NOS1AP: variants seen among roughly 807,000 people sequenced by gnomAD.
NOS1AP encodes carboxyl-terminal PDZ ligand of neuronal nitric oxide synthase protein.
A neutral mutation model predicts 56.2 loss-of-function variants in NOS1AP; 21 were observed. The ratio of observed to expected loss-of-function variants is 0.37; its 90% confidence interval spans 0.26 to 0.54. NOS1AP has a LOEUF of 0.54. Among genes scored for constraint, NOS1AP ranks in the 20% least tolerant of loss-of-function variants. The pLI is 0.84. For synonymous variants in NOS1AP, 270 were observed against 274.6 expected (o/e 0.98, Z 0.17); for missense variants, 522 against 657.8 (o/e 0.79, Z 2.26).
chr1:162,293,516 A>G (rs1467071516), intron 3 of NOS1AP, among the ~76,000 whole-genome samples: 1 of 152,240 alleles, frequency 6.6e-6, no homozygotes, highest in East Asian at 1.9e-4. Context: ...CAGTTCCCAT[A>G]TAACATTCCT....
At chr1:162,086,638 G>T (rs996566770) in intron 1 of NOS1AP, among the ~76,000 whole-genome samples, 5 of 152,158 alleles carry the variant, frequency 3.3e-5, no homozygotes, top group African/African-American at 1.2e-4. Flanking sequence ...GGGTGCCTTG[G>T]CCAGGAGTGG....
At chr1:162,175,861 C>G (rs1370942688) in intron 2 of NOS1AP, among the ~76,000 whole-genome samples, 1 of 152,180 alleles carries the variant, frequency 6.6e-6, no homozygotes, top group African/African-American at 2.4e-5. Context: ...CCCCCGCAAG[C>G]AGTTAGAAAC....
chr1:162,223,000 G>T (rs1217784455), intron 2 of NOS1AP, among the ~76,000 whole-genome samples: 2 of 152,184 alleles, frequency 1.3e-5, no homozygotes, highest in African/African-American at 4.8e-5. Context: ...CCCACCTGTT[G>T]TCACTTCAGC....
At chr1:162,193,994 C>T (rs570458403) in intron 2 of NOS1AP, among the ~76,000 whole-genome samples, 1 of 152,258 alleles carries the variant, frequency 6.6e-6, no homozygotes, top group East Asian at 1.9e-4. Context: ...CTGAGGCCTC[C>T]CGTCTCACAG....
chr1:162,347,425 G>A (rs1657338894), intron 6 of NOS1AP, among the ~76,000 whole-genome samples: 1 of 152,210 alleles, frequency 6.6e-6, no homozygotes, highest in African/African-American at 2.4e-5. Flanking sequence ...GATGCCCAGA[G>A]GTTGAATGTT....
chr1:162,150,969 G>A (rs142543128), intron 1 of NOS1AP, among the ~76,000 whole-genome samples: 1,554 of 152,180 alleles, frequency 0.01, 16 homozygotes, highest in Middle Eastern at 0.041. Flanking sequence ...AACTTGATGT[G>A]ATCCCATTTG....
chr1:162,260,996 G>A (rs12752599), intron 2 of NOS1AP, among the ~76,000 whole-genome samples: 126,089 of 138,080 alleles, frequency 0.91, 59,339 homozygotes, highest in East Asian at 0.99. Flanking sequence ...ATTAGAATTT[G>A]TTATATTCCC....
intron 2 of NOS1AP, among the ~76,000 whole-genome samples, chr1:162,222,751 G>C (rs78239918): frequency 2.6e-5 from 4 of 152,262 alleles, no homozygotes; most frequent in African/African-American, 7.2e-5. Flanking sequence ...TGTTGGCCAT[G>C]ATGAGAGCAT....
At chr1:162,232,534 G>T (rs1653154660) in intron 2 of NOS1AP, among the ~76,000 whole-genome samples, 1 of 65,980 alleles carries the variant, frequency 1.5e-5, no homozygotes, top group South Asian at 3.6e-4. Flanking sequence ...TGTGCTTAGA[G>T]TGTGTGTGTG....
At chr1:162,282,599 C>T (rs942803575) in intron 2 of NOS1AP, among the ~76,000 whole-genome samples, 26 of 152,152 alleles carry the variant, frequency 1.7e-4, no homozygotes, top group African/African-American at 6.3e-4. Context: ...TCTGAAAACC[C>T]TTTGTGAGAC....
chr1:162,170,829 C>T, intron 2 of NOS1AP, among the ~76,000 whole-genome samples: 1 of 151,960 alleles, frequency 6.6e-6, no homozygotes, highest in Non-Finnish European at 1.5e-5. Context: ...TAGTCCCACA[C>T]TCAAGAGGCT....
At chr1:162,103,285 A>G (rs141075407) in intron 1 of NOS1AP, among the ~76,000 whole-genome samples, 7 of 151,898 alleles carry the variant, frequency 4.6e-5, no homozygotes, top group African/African-American at 1.7e-4. Context: ...TGATTGCGCT[A>G]TGGTATGAGA....
chr1:162,183,978 G>A (rs1047807481), intron 2 of NOS1AP, among the ~76,000 whole-genome samples: 1 of 152,202 alleles, frequency 6.6e-6, no homozygotes, highest in East Asian at 1.9e-4. Context: ...AGGAGGCCTA[G>A]CTTTCGGCCT....
chr1:162,216,925 A>G (rs1454249358), intron 2 of NOS1AP, among the ~76,000 whole-genome samples: 2 of 152,186 alleles, frequency 1.3e-5, no homozygotes, highest in Non-Finnish European at 2.9e-5. Context: ...GAGTTAACAC[A>G]TATAGCAAAT....
At chr1:162,074,136 A>G (rs1405848845) in intron 1 of NOS1AP, among the ~76,000 whole-genome samples, 1 of 152,252 alleles carries the variant, frequency 6.6e-6, no homozygotes, top group Non-Finnish European at 1.5e-5. Flanking sequence ...GCACAGGCAC[A>G]TTAGTGTTAT....
rs1658018588 is a variant in NOS1AP, at chr1:162,364,924, C to G, written c.940-480C>G. 4.9e-6 allele frequency: 5 copies of G among 1,017,072 alleles called. No individual in the cohort carries two copies. The South Asian group carries it at 1.6e-4, about 33-fold the overall frequency. 63.0% of individuals were successfully genotyped at this position (1,017,072 alleles called of 1,614,324 possible). A position where few individuals can be genotyped will look rare whatever the true frequency, so the allele number is the denominator to read the frequency against. On this transcript the variant is annotated intron_variant, in intron 8 of 9. Transcript: ENST00000361897. ...GGCTTCGTTGTGACACTGTTCTTAG[C>G]CAGTGGGTCAATAGATGAGTTTTGG...
At chr1:162,283,791 G>C (rs377002258) in intron 2 of NOS1AP, among the ~76,000 whole-genome samples, 1 of 152,238 alleles carries the variant, frequency 6.6e-6, no homozygotes, top group Non-Finnish European at 1.5e-5. Flanking sequence ...GTCAAGTCCT[G>C]TAGGGCTTCA....
intron 2 of NOS1AP, among the ~76,000 whole-genome samples, chr1:162,159,114 A>C (rs1012983151): frequency 3.3e-5 from 5 of 152,154 alleles, no homozygotes; most frequent in Non-Finnish European, 5.9e-5. Flanking sequence ...AACTGTGTGA[A>C]TAGGTGAGTC....
chr1:162,197,983 C>A (rs1651862861), intron 2 of NOS1AP, among the ~76,000 whole-genome samples: 1 of 152,356 alleles, frequency 6.6e-6, no homozygotes, highest in Non-Finnish European at 1.5e-5. Flanking sequence ...CAGCCTCGCC[C>A]AGAGTGTGTC....
Sources: gnomAD v4.1 joint callset for allele counts (sites outside exome capture counted in the v4.1 genomes callset) on GRCh38, gnomAD v4.1.1 for gene constraint, MANE v1.5 for transcripts, NCBI Gene and HGNC (gene_info 2026-07-23, HGNC 2026-07-21) for gene names.